RENBP: variants seen among roughly 807,000 people sequenced by gnomAD.
RENBP encodes renin binding protein.
A neutral mutation model predicts 37.8 loss-of-function variants in RENBP; 16 were observed. The observed-to-expected ratio is 0.42, with a 90% CI of 0.29 to 0.64. RENBP has a LOEUF of 0.64. Among genes scored for constraint, RENBP ranks in the 30% least tolerant of loss-of-function variants. The probability of loss-of-function intolerance (pLI) is 0.19; values close to 1 mark genes in which losing one functional copy is unlikely to be tolerated. For synonymous variants in RENBP, 170 were observed against 154.8 expected, an observed-to-expected ratio of 1.10 and a Z score of -0.73; for missense variants, 347 against 379.5, an observed-to-expected ratio of 0.91 and a Z score of 0.71.
Position 153,941,950 on chromosome X carries a change from C to CCCCGGGGG in RENBP, c.768_769insCCCCCGGG (p.Gly257ProfsTer29). Reference sequence around the variant, plus strand: ...GCCCCCAGCCCACCCCGCCCCTCACCTGGGTTCTGCTGTCTCCCCAGGCAG... The same window carrying CCCCGGGGG: ...GCCCCCAGCCCACCCCGCCCCTCACCCCCGGGGGTGGGTTCTGCTGTCTCCCCAGGCAG... On this transcript the variant is annotated frameshift_variant and splice_region_variant, in exon 7 of 11. Transcript: ENST00000393700. LOFTEE classifies it high-confidence loss of function. 1 of 1,130,620 alleles carries CCCCGGGGG rather than the reference C, an allele frequency of 8.8e-7. No individual in the cohort carries two copies. The highest frequency in any genetic ancestry group is 1.2e-6 in the Non-Finnish European group (1 of 823,190). 93.2% of individuals were successfully genotyped at this position (1,130,620 alleles called of 1,213,427 possible).
chrX:153,941,950 C>CCCCCGGGGG lies in RENBP; in HGVS notation c.768_769insCCCCCGGGG (p.Pro256_Gly257insProProGly). Reference sequence around the variant, plus strand: ...GCCCCCAGCCCACCCCGCCCCTCACCTGGGTTCTGCTGTCTCCCCAGGCAG... The same window carrying CCCCCGGGGG: ...GCCCCCAGCCCACCCCGCCCCTCACCCCCCGGGGGTGGGTTCTGCTGTCTCCCCAGGCAG... On this transcript the variant is annotated inframe_insertion and splice_region_variant, in exon 7 of 11. Coordinates refer to ENST00000393700, the MANE Select transcript of RENBP (RefSeq NM_002910.6). 8.8e-6 allele frequency: 10 copies of CCCCCGGGGG among 1,130,577 alleles called. No individual in the cohort carries two copies. Among genetic ancestry groups the CCCCCGGGGG allele is most frequent in the Non-Finnish European group, 1.2e-5 (10 of 823,149 alleles). The allele number at this position is 1,130,577 out of a possible 1,213,427, so 93.2% of individuals were successfully genotyped here.
intron 8 of RENBP, among the ~76,000 whole-genome samples, 192 bp from the exon 9 acceptor site, chrX:153,940,425 C>T (rs782399759): frequency 8.9e-5 from 10 of 111,857 alleles, no homozygotes; most frequent in Non-Finnish European, 1.9e-4. Context: ...GGGCCCCAGA[C>T]GAATGGCATA....
chrX:153,943,554 G>A lies in RENBP; in HGVS notation c.454C>T (p.Arg152Trp), dbSNP rs782220053. The A allele has an allele frequency of 9.1e-6, 11 of 1,207,788 alleles. No homozygotes were observed. Among genetic ancestry groups the A allele is most frequent in the Middle Eastern group, 2.3e-4 (1 of 4,328 alleles). Residue 152 changes from arginine to tryptophan, a missense_variant, in exon 5 of 11, where the codon CGG becomes TGG. Transcript: ENST00000393700. Reference protein sequence around the residue: ...NELWRATGEVRYQTEAVEMMD... With the variant: ...NELWRATGEVWYQTEAVEMMD... ...ACCCTCCTCTCACACACCTGGTACC[G>A]CACTTCCCCTGTGGCTCTCCACAGC...
chrX:153,941,427 A>T (rs1557109484), intron 8 of RENBP, 51 bp downstream of exon 8: 5 of 1,171,115 alleles, frequency 4.3e-6, no homozygotes, highest in African/African-American at 1.8e-5. Context: ...CTCCCTGGGC[A>T]GAAAGCCTTA....
In RENBP at chrX:153,942,835, G is replaced by T; in HGVS notation, c.687+20C>A. 9.6e-7 allele frequency: 1 copy of T among 1,046,413 alleles called. No homozygotes were observed. The highest frequency in any genetic ancestry group is 1.3e-6 in the Non-Finnish European group (1 of 757,946). The allele number at this position is 1,046,413 out of a possible 1,213,427, so 86.2% of individuals were successfully genotyped here. ...GAGTGGAAGGCCTCCCACCACCCCA[G>T]CTCCCCAGGCATCCCCCACCTGCAC... On this transcript the variant is annotated intron_variant, in intron 6 of 10. Coordinates refer to ENST00000393700, the MANE Select transcript of RENBP (RefSeq NM_002910.6).
intron 9 of RENBP, chrX:153,937,197 AAAATAAATAAAT>A (rs35246509): frequency 0.024 from 2,555 of 106,492 alleles, 87 homozygotes; most frequent in African/African-American, 0.093. Context: ...CCCTGTCTCA[AAAATAAATAAAT>A]AAATAAATAA....
At position 153,935,313 on chromosome X, in the gene RENBP, G is replaced by A; in HGVS notation, c.1257C>T (p.Pro419=). The A allele has an allele frequency of 3.2e-6, 3 of 930,408 alleles. No individual in the cohort carries two copies. The highest frequency in any genetic ancestry group is 4.2e-6 in the Non-Finnish European group (3 of 711,421). 76.7% of individuals were successfully genotyped at this position (930,408 alleles called of 1,213,427 possible). ...SRPAPAPSPA[P]TPACRGAE Reference sequence around the variant, plus strand: ...ATTCCGCGCCTCGGCAGGCGGGGGTGGGGGCGGGGGAGGGGGCGGGGGCGG... The same window carrying A: ...ATTCCGCGCCTCGGCAGGCGGGGGTAGGGGCGGGGGAGGGGGCGGGGGCGG... The change falls in exon 11 of 11, where the codon CCC becomes CCT. Residue 419 remains proline (P), a synonymous_variant. Transcript: ENST00000393700.
chrX:153,944,197 C>A, intron 2 of RENBP, 42 bp from the exon 3 acceptor site: 1 of 1,186,515 alleles, frequency 8.4e-7, no homozygotes, highest in South Asian at 1.8e-5. Context: ...ACGGGCCTTG[C>A]CAGCCCCTCC....
In RENBP at chrX:153,944,153, C is replaced by G; in HGVS notation, c.140G>C (p.Gly47Ala). The G allele has an allele frequency of 8.3e-7, 1 of 1,210,127 alleles. No individual in the cohort carries two copies. Among genetic ancestry groups the G allele is most frequent in the Admixed American group, 2.2e-5 (1 of 45,980 alleles). Reference sequence around the variant, plus strand: ...CTCGCGGCCAAGGCACGTGAAGAAGCCCCTGTGGGAAGGCAGGGTTAGCAA... The same window carrying G: ...CTCGCGGCCAAGGCACGTGAAGAAGGCCCTGTGGGAAGGCAGGGTTAGCAA... ...MEHSHDQEHG[G>A]FFTCLGREGR... The change falls in exon 3 of 11, where the codon GGC becomes GCC. Residue 47 changes from glycine to alanine, a missense_variant and splice_region_variant. This residue lies in a region of RENBP where 244 missense variants were observed against 279.4 expected (regional missense o/e 0.87). Coordinates refer to ENST00000393700, the MANE Select transcript of RENBP (RefSeq NM_002910.6).
intron 9 of RENBP, among the ~76,000 whole-genome samples, chrX:153,936,292 G>A (rs1393666365): frequency 2.7e-5 from 3 of 110,150 alleles, no homozygotes; most frequent in South Asian, 3.9e-4. Context: ...CGGATCACAA[G>A]GTCAGGAGAT....
At chrX:153,941,420 C>T (rs1443861243) in intron 8 of RENBP, 58 bp downstream of exon 8, 2 of 1,162,641 alleles carry the variant, frequency 1.7e-6, no homozygotes, top group African/African-American at 3.6e-5. Flanking sequence ...CAACCACCTC[C>T]CTGGGCAGAA....
chrX:153,942,804 G>C (rs376222482), intron 6 of RENBP, 51 bp downstream of exon 6: 1 of 1,031,873 alleles, frequency 9.7e-7, no homozygotes, highest in Non-Finnish European at 1.4e-6. Context: ...GCCCAGGGGA[G>C]TGGGGGAGTG....
In RENBP at chrX:153,944,322, C is replaced by T. The variant is rs1557110199; in HGVS notation, c.124G>A (p.Asp42Asn). 2 of 1,210,406 alleles carry T rather than the reference C, an allele frequency of 1.7e-6. No homozygotes were observed. Among genetic ancestry groups the T allele is most frequent in the East Asian group, 5.9e-5 (2 of 33,825 alleles). The change falls in exon 2 of 11, where the codon GAC becomes AAC. Residue 42 changes from aspartate to asparagine, a missense_variant. By Grantham distance (23) the Asp-to-Asn change is conservative. This residue lies in a region of RENBP where 244 missense variants were observed against 279.4 expected (regional missense o/e 0.87). Coordinates refer to ENST00000393700, the MANE Select transcript of RENBP (RefSeq NM_002910.6). Reference protein sequence around the residue: ...VVAFWMEHSHDQEHGGFFTCL... With the variant: ...VVAFWMEHSHNQEHGGFFTCL... ...CACGCCGAGTACCCGTGCTCCTGGT[C>T]GTGGGAGTGCTCCATCCAGAAAGCC...
chrX:153,940,139 C>T lies in RENBP; in HGVS notation c.1040G>A (p.Arg347His), dbSNP rs1557109296. ...YSDSGDPVLL[R>H]LFYQVAEYTF... ...GTACTCAGCCACTTGGTAGAAGAGG[C>T]GCAGCAGCACAGGGTCCCCACTGTC... Residue 347 changes from arginine (R) to histidine (H), a missense_variant, in exon 9 of 11, where the codon CGC (arginine) becomes CAC (histidine). Physicochemically the swap from Arg to His is conservative, Grantham distance 29 (BLOSUM62 0). Coordinates refer to ENST00000393700, the MANE Select transcript of RENBP (RefSeq NM_002910.6). The T allele has an allele frequency of 9.1e-6, 11 of 1,208,796 alleles. No homozygotes were observed. The highest frequency in any genetic ancestry group is 5.9e-5 in the East Asian group (2 of 33,746).
chrX:153,942,710 C>T, intron 6 of RENBP, 145 bp downstream of exon 6: 1 of 512,911 alleles, frequency 1.9e-6, no homozygotes, highest in Non-Finnish European at 3.3e-6. Flanking sequence ...TCCGCATCCT[C>T]CCTCCAGCCC....
rs782371031 is a variant in RENBP at position 153,944,467 on chromosome X, C to T, written c.28-49G>A. 9 of 1,173,755 alleles carry T rather than the reference C, an allele frequency of 7.7e-6. No homozygotes were observed. In the East Asian group the frequency reaches 8.9e-5, roughly 12 times the overall value. On this transcript the variant is annotated intron_variant, in intron 1 of 10. Coordinates refer to ENST00000393700, the MANE Select transcript of RENBP (RefSeq NM_002910.6). Reference sequence around the variant, plus strand: ...CGCAGCCCCCACATGGGACCTAGGCCCCCCCAGCCTCGGGAACCAGCCCTC... The same window carrying T: ...CGCAGCCCCCACATGGGACCTAGGCTCCCCCAGCCTCGGGAACCAGCCCTC...
intron 9 of RENBP, among the ~76,000 whole-genome samples, chrX:153,936,934 C>T (rs2065205510): frequency 8.9e-6 from 1 of 112,204 alleles, no homozygotes; most frequent in African/African-American, 3.2e-5. Flanking sequence ...CAGTGGCTCA[C>T]GCCTATAATC....
At chrX:153,940,781 G>A (rs2065222479) in intron 8 of RENBP, among the ~76,000 whole-genome samples, 1 of 111,696 alleles carries the variant, frequency 9.0e-6, no homozygotes, top group African/African-American at 3.3e-5. Flanking sequence ...ACCCTATATG[G>A]TCTAAAAAGG....
rs782547361 is a variant in RENBP at position 153,941,622 on chromosome X, G to T, written c.801C>A (p.Leu267=). ...GGTCGCCTTTCCGAATGCAATGACGGAGCAGAAACCAGCCGGCTTCCAGCG... is the reference window on the plus strand; with the variant it reads ...GGTCGCCTTTCCGAATGCAATGACGTAGCAGAAACCAGCCGGCTTCCAGCG... ...GHTLEAGWFL[L]RHCIRKGDPE... is the part of the protein sequence containing the mutation. The change falls in exon 8 of 11, where the codon CTC becomes CTA. Residue 267 remains leucine, a synonymous_variant. Transcript: ENST00000393700. The T allele has an allele frequency of 8.4e-7, 1 of 1,195,903 alleles. No individual in the cohort carries two copies. The highest frequency in any genetic ancestry group is 1.1e-6 in the Non-Finnish European group (1 of 888,808).
Sources: gnomAD v4.1 joint callset for allele counts (sites outside exome capture counted in the v4.1 genomes callset) on GRCh38, gnomAD v4.1.1 for gene constraint, gnomAD v4.1.1 regional missense constraint, MANE v1.5 for transcripts, NCBI Gene and HGNC (gene_info 2026-07-23, HGNC 2026-07-21) for gene names.